Variants in PCDHA2 observed in about 807,000 individuals in gnomAD.
The protein encoded by PCDHA2 is protocadherin alpha 2, also known as protocadherin alpha-2.
In PCDHA2, 58 loss-of-function variants were observed where a neutral mutation model predicts 66.0. That is an observed-to-expected ratio of 0.88 (90% CI 0.71 to 1.09). The LOEUF (loss-of-function observed/expected upper bound fraction) is 1.09, where lower values mean the gene tolerates loss of function less well. Ranked by LOEUF, PCDHA2 falls within the 50% of genes least tolerant of loss-of-function variation. The probability of loss-of-function intolerance (pLI) is 0.00; values close to 1 mark genes in which losing one functional copy is unlikely to be tolerated. For missense variants in PCDHA2, 1,267 were observed against 1,242.3 expected, an observed-to-expected ratio of 1.02 and a Z score of -0.30; for synonymous variants, 634 against 554.0, an observed-to-expected ratio of 1.14 and a Z score of -2.03.
intron 1 of PCDHA2, chr5:140,822,063 G>A (rs1581778547): frequency 1.2e-6 from 2 of 1,614,230 alleles, no homozygotes; most frequent in East Asian, 2.2e-5. Flanking sequence ...AGCTGTGCCG[G>A]CGGAGGGCGG....
At chr5:140,834,374 A>G (rs1309560066) in intron 1 of PCDHA2, 2 of 1,560,000 alleles carry the variant, frequency 1.3e-6, no homozygotes, top group Non-Finnish European at 1.7e-6. Flanking sequence ...AAACAAGCCA[A>G]TAATTTGAAA....
chr5:140,862,658 G>A (rs547936781), intron 1 of PCDHA2: 19 of 545,608 alleles, frequency 3.5e-5, no homozygotes, highest in Admixed American at 1.9e-4. Flanking sequence ...GCGCGGGACC[G>A]GGACGCGCAG....
intron 1 of PCDHA2, among the ~76,000 whole-genome samples, chr5:140,936,049 C>A (rs1185871662): frequency 1.3e-5 from 2 of 151,974 alleles, no homozygotes; most frequent in African/African-American, 2.4e-5. Context: ...CCCACCACCA[C>A]ACCCGGCTAA....
rs1274160852 is a variant in PCDHA2, at chr5:140,922,009, TA to T, written c.2389-56933del. On this transcript the variant is annotated intron_variant, in intron 1 of 3. Coordinates refer to ENST00000526136, the MANE Select transcript of PCDHA2 (RefSeq NM_018905.3). ...AAAGAGTTCAATGAAATGATTAGTTTAAAAAAATAAATATAAAAAATGTAAT... is the reference window on the plus strand; with the variant it reads ...AAAGAGTTCAATGAAATGATTAGTTTAAAAAATAAATATAAAAAATGTAAT... 1.3e-5 allele frequency among the ~76,000 whole-genome samples: 2 copies of T among 152,076 alleles called. 1 individual carries two copies. The highest frequency in any genetic ancestry group is 4.8e-5 in the African/African-American group (2 of 41,508).
intron 1 of PCDHA2, among the ~76,000 whole-genome samples, chr5:140,898,820 G>A (rs1303151513): frequency 6.6e-6 from 1 of 152,208 alleles, no homozygotes; most frequent in Admixed American, 6.5e-5. Context: ...TCCTACCCAT[G>A]AGCATGGAAT....
At chr5:140,871,057 G>A (rs1554165044) in intron 1 of PCDHA2, 7 of 1,613,300 alleles carry the variant, frequency 4.3e-6, no homozygotes, top group Non-Finnish European at 5.9e-6. Flanking sequence ...ACTGGTGAAG[G>A]ATCACGGTGA....
chr5:140,982,708 C>G (rs550422492), intron 3 of PCDHA2, 145 bp downstream of exon 3: 1 of 1,373,770 alleles, frequency 7.3e-7, no homozygotes, highest in African/African-American at 1.5e-5. Flanking sequence ...GATTTCCTTA[C>G]ATATATGATT....
chr5:140,967,756 C>T (rs1554229911), intron 1 of PCDHA2: 2 of 1,614,216 alleles, frequency 1.2e-6, no homozygotes, highest in Middle Eastern at 1.6e-4. Context: ...AAGCCTCCTC[C>T]TACCAGATCT....
At chr5:140,898,408 G>A (rs1189859035) in intron 1 of PCDHA2, among the ~76,000 whole-genome samples, 7 of 152,096 alleles carry the variant, frequency 4.6e-5, no homozygotes, top group African/African-American at 9.7e-5. Flanking sequence ...TTCTACATAC[G>A]GCTAGCCAGT....
In PCDHA2 at chr5:140,936,000, C is replaced by T. The variant is rs370629183; in HGVS notation, c.2389-42949C>T. Among the ~76,000 whole-genome samples, 13 of 150,536 alleles carry T rather than the reference C, an allele frequency of 8.6e-5. No homozygotes were observed. In the East Asian group the frequency reaches 1.6e-3, roughly 18 times the overall value. ...CTCTGCCTCCCGGGTTCAAGCGATT[C>T]TCCCACCTCAGCCTCCCGAGTAGCG... On this transcript the variant is annotated intron_variant, in intron 1 of 3. Coordinates refer to ENST00000526136, the MANE Select transcript of PCDHA2 (RefSeq NM_018905.3).
intron 1 of PCDHA2, chr5:140,841,821 T>G: frequency 6.2e-7 from 1 of 1,613,940 alleles, no homozygotes; most frequent in Non-Finnish European, 8.5e-7. Context: ...GCTAACTCCG[T>G]GTTAACCTAC....
chr5:140,936,771 C>G (rs182480245), intron 1 of PCDHA2, among the ~76,000 whole-genome samples: 2 of 152,230 alleles, frequency 1.3e-5, no homozygotes, highest in South Asian at 4.1e-4. Flanking sequence ...TGTGTAAGTT[C>G]TCTCACTTTG....
intron 1 of PCDHA2, chr5:140,869,471 T>C (rs1554163114): frequency 6.2e-7 from 1 of 1,613,696 alleles, no homozygotes; most frequent in South Asian, 1.1e-5. Flanking sequence ...AACGTGGAGG[T>C]GAAGGACATT....
intron 1 of PCDHA2, chr5:140,829,492 C>G (rs1770340473): frequency 1.2e-6 from 2 of 1,613,578 alleles, no homozygotes; most frequent in Non-Finnish European, 1.7e-6. Flanking sequence ...TGAAGGAGAA[C>G]AACCCGCCGG....
In PCDHA2 at chr5:140,870,260, G is replaced by T. The variant is rs782261095; in HGVS notation, c.2388+72908G>T. The T allele has an allele frequency of 2.0e-5, 32 of 1,614,082 alleles. No individual in the cohort carries two copies. The highest frequency in any genetic ancestry group is 3.3e-4 in the Middle Eastern group (2 of 6,082). On this transcript the variant is annotated intron_variant, in intron 1 of 3. Coordinates refer to ENST00000526136, the MANE Select transcript of PCDHA2 (RefSeq NM_018905.3). ...TCAGGTGTCAACGGACAGGTGACCT[G>T]CTCGCTGACGCCCCACGTTCCCTTC...
intron 1 of PCDHA2, chr5:140,877,486 A>G: frequency 3.7e-6 from 6 of 1,613,722 alleles, no homozygotes; most frequent in Non-Finnish European, 5.1e-6. Flanking sequence ...GCTGGTGGAG[A>G]ACGGCCAGGC....
chr5:140,989,758 T>C (rs1554251084), intron 3 of PCDHA2, among the ~76,000 whole-genome samples: 1 of 152,188 alleles, frequency 6.6e-6, no homozygotes, highest in African/African-American at 2.4e-5. Flanking sequence ...GAGAAACATA[T>C]TCAGTTCAAG....
intron 1 of PCDHA2, among the ~76,000 whole-genome samples, chr5:140,889,199 T>C (rs1399579598): frequency 1.3e-5 from 2 of 151,896 alleles, no homozygotes; most frequent in African/African-American, 4.8e-5. Context: ...ATAACTTGAA[T>C]ACTTAACAAA....
At chr5:140,968,508 A>C (rs977964716) in intron 1 of PCDHA2, 1 of 1,613,950 alleles carries the variant, frequency 6.2e-7, no homozygotes, top group African/African-American at 1.3e-5. Context: ...CACATTCTGT[A>C]CCCTACCTCA....
Sources: allele counts gnomAD v4.1 joint callset (sites outside exome capture counted in the v4.1 genomes callset), GRCh38; gene constraint gnomAD v4.1.1; transcripts MANE v1.5; gene names NCBI Gene and HGNC (gene_info 2026-07-23, HGNC 2026-07-21).